LMLN: variants seen among roughly 807,000 people sequenced by gnomAD.
LMLN encodes the protein leishmanolysin-like peptidase.
Under a neutral mutation model 92.3 loss-of-function variants are expected in LMLN, and 70 were observed. That is an observed-to-expected ratio of 0.76 (90% CI 0.63 to 0.92). The LOEUF (loss-of-function observed/expected upper bound fraction) is 0.92, where lower values mean the gene tolerates loss of function less well. Among genes scored for constraint, LMLN ranks in the 40% least tolerant of loss-of-function variants. LMLN has a pLI of 0.00. For missense variants in LMLN, 691 were observed against 814.6 expected (o/e 0.85, Z 1.85); for synonymous variants, 308 against 296.2 (o/e 1.04, Z -0.41).
intron 8 of LMLN, among the ~76,000 whole-genome samples, chr3:197,989,929 C>T (rs538514073): frequency 5.9e-5 from 9 of 152,308 alleles, no homozygotes; most frequent in Non-Finnish European, 8.8e-5. Context: ...GGCTGGAGTG[C>T]GGCTGTGTGA....
chr3:198,021,360 AG>A (rs1247332100), intron 12 of LMLN, 85 bp from the exon 14 acceptor site: 20 of 1,137,382 alleles, frequency 1.8e-5, no homozygotes, highest in Non-Finnish European at 2.6e-5. Flanking sequence ...GTGGCATTAA[AG>A]GGTTGCGAGA....
chr3:197,993,772 A>G (rs1331982209), intron 9 of LMLN, among the ~76,000 whole-genome samples: 2 of 152,296 alleles, frequency 1.3e-5, no homozygotes, highest in East Asian at 1.9e-4. Flanking sequence ...CACCAAAAAA[A>G]AGAAAAAATA....
At chr3:198,038,944 G>A (rs1173524066) in exon 16 of LMLN, 36 of 178,960 alleles carry the variant, frequency 2.0e-4, no homozygotes, top group Admixed American at 1.6e-3. Flanking sequence ...CAACCACCTC[G>A]TCAGCAACCC....
intron 11 of LMLN, among the ~76,000 whole-genome samples, chr3:198,003,690 TATC>T (rs777233784): frequency 9.1e-6 from 1 of 109,586 alleles, no homozygotes; most frequent in Non-Finnish European, 1.7e-5. Context: ...TCTATCTATA[TATC>T]ATCTATACAG....
chr3:197,966,685 A>C (rs1249348766), intron 1 of LMLN, among the ~76,000 whole-genome samples: 1 of 151,910 alleles, frequency 6.6e-6, no homozygotes, highest in African/African-American at 2.4e-5. Context: ...TGAATGTCAA[A>C]TCAGCCTTGC....
In LMLN at chr3:197,961,966, C is replaced by T. The variant is rs570927541; in HGVS notation, c.219+1526C>T. Among the ~76,000 whole-genome samples, 14 of 152,272 alleles carry T rather than the reference C, an allele frequency of 9.2e-5. No homozygotes were observed. In the East Asian group the frequency reaches 2.5e-3, roughly 27 times the overall value. ...CCATTCTTGTTTCATATACTTTCAG[C>T]CATTCCGCAGCCCCCTACTTGAGTT... is the stretch of plus-strand genomic sequence containing the variant. On this transcript the variant is annotated intron_variant, in intron 1 of 15. Transcript: ENST00000330198.
In LMLN at chr3:197,996,977, C is replaced by T. The variant is rs564804837; in HGVS notation, c.1155+695C>T. 2.0e-5 allele frequency among the ~76,000 whole-genome samples: 3 copies of T among 151,660 alleles called. No homozygotes were observed. The South Asian group carries it at 6.2e-4, about 32-fold the overall frequency. On this transcript the variant is annotated intron_variant, in intron 10 of 15. Transcript: ENST00000330198. Reference sequence around the variant, plus strand: ...TAGTCTGTGTGTTCGTTCGTTTGTTCGTTCTTTTCTTTTGTTTTTTTTCTT... The same window carrying T: ...TAGTCTGTGTGTTCGTTCGTTTGTTTGTTCTTTTCTTTTGTTTTTTTTCTT...
chr3:197,977,545 T>G (rs940270889), intron 5 of LMLN, among the ~76,000 whole-genome samples: 1 of 150,396 alleles, frequency 6.6e-6, no homozygotes, highest in Non-Finnish European at 1.5e-5. Context: ...TGGATACATA[T>G]AAAAATCATC....
chr3:197,984,086 G>A (rs1218838845), intron 7 of LMLN, 38 bp downstream of exon 7: 6 of 1,290,000 alleles, frequency 4.7e-6, no homozygotes, highest in Non-Finnish European at 6.8e-6. Context: ...TTCATGCCTT[G>A]ATTTTCTGCT....
chr3:198,028,853 T>A (rs2109948811), intron 14 of LMLN, among the ~76,000 whole-genome samples: 1 of 152,368 alleles, frequency 6.6e-6, no homozygotes, highest in African/African-American at 2.4e-5. Context: ...CACAAATTTA[T>A]ATTTTTGTTT....
At chr3:197,968,136 A>G (rs1721111476) in intron 1 of LMLN, among the ~76,000 whole-genome samples, 1 of 152,208 alleles carries the variant, frequency 6.6e-6, no homozygotes, top group Admixed American at 6.5e-5. Context: ...TAGGAAGATA[A>G]CAAGATTAAG....
chr3:198,022,281 G>A (rs1037307281), intron 13 of LMLN, among the ~76,000 whole-genome samples: 5 of 152,180 alleles, frequency 3.3e-5, no homozygotes, highest in African/African-American at 1.2e-4. Flanking sequence ...GGAATAAACA[G>A]TATGGCAATT....
At chr3:197,976,694 T>C in exon 5 of LMLN, 1 of 1,550,880 alleles carries the variant, frequency 6.4e-7, no homozygotes, top group Non-Finnish European at 8.8e-7. Context: ...GCCCCGTTAT[T>C]GTTCCTGAGG....
Position 198,025,689 on chromosome 3 carries a change from T to G in LMLN, c.1656+901T>G, listed in dbSNP as rs1319602033. Among the ~76,000 whole-genome samples, 1 of 152,154 alleles carries G rather than the reference T, an allele frequency of 6.6e-6. No homozygotes were observed. Among genetic ancestry groups the G allele is most frequent in the Admixed American group, 6.6e-5 (1 of 15,246 alleles). On this transcript the variant is annotated intron_variant, in intron 14 of 15. Transcript: ENST00000330198. This position sits in a 1 kb window ranked among gnomAD's most constrained non-coding sequence, Gnocchi z 4.3. ...CTCGCCTACTATTTCCTTAATTATC[T>G]TATTTGCACATCTGATATTATATGA...
chr3:197,971,198 C>G (rs960798141), intron 1 of LMLN, among the ~76,000 whole-genome samples: 2 of 152,156 alleles, frequency 1.3e-5, no homozygotes, highest in African/African-American at 4.8e-5. Context: ...CTACCTGAGA[C>G]TGGGTAATTT....
At chr3:197,971,584 T>A (rs1721224788) in intron 1 of LMLN, among the ~76,000 whole-genome samples, 1 of 152,184 alleles carries the variant, frequency 6.6e-6, no homozygotes, top group Admixed American at 6.5e-5. Flanking sequence ...TGTACCTGGT[T>A]GTTGTTTGTT....
intron 1 of LMLN, 117 bp from the exon 2 acceptor site, chr3:197,974,260 C>T: frequency 4.8e-6 from 3 of 630,814 alleles, no homozygotes; most frequent in Non-Finnish European, 8.4e-6. Context: ...GAATATGGGT[C>T]ACAGAACTTT....
At position 198,019,264 on chromosome 3, in the gene LMLN, T is replaced by A. The variant is rs1722718933; in HGVS notation, c.1244T>A (p.Leu415Gln). ...CTCTTTGTTTGCAGGAGACAGATGC[T>A]GAGCCCTTACTGTGACACGCTCAGA... Residue 415 changes from leucine (L) to glutamine (Q), a missense_variant, in exon 12 of 16, where the codon CTG becomes CAG. Coordinates refer to ENST00000330198, the Ensembl canonical transcript of LMLN. The surrounding 1 kb of genome is among the most constrained non-coding windows in gnomAD (Gnocchi z 5.5). 6.2e-7 allele frequency: 1 copy of A among 1,613,116 alleles called. No homozygotes were observed. Among genetic ancestry groups the A allele is most frequent in the African/African-American group, 1.3e-5 (1 of 74,904 alleles).
rs1047519857 is a variant in LMLN, at chr3:198,025,475, G to A, written c.1656+687G>A. Among the ~76,000 whole-genome samples, 33 of 151,922 alleles carry A rather than the reference G, an allele frequency of 2.2e-4. No individual in the cohort carries two copies. The highest frequency in any genetic ancestry group is 7.5e-4 in the African/African-American group (31 of 41,354). On this transcript the variant is annotated intron_variant, in intron 14 of 15. Coordinates refer to ENST00000330198, the Ensembl canonical transcript of LMLN. This position sits in a 1 kb window ranked among gnomAD's most constrained non-coding sequence, Gnocchi z 4.3. The stretch of plus-strand genomic sequence containing the variant: ...TATCCTCTACCTCCTGGGTTCAAGC[G>A]ACCTTCCCACCTCAGCCTCCTGAGG...
Sources: gnomAD v4.1 joint callset for allele counts (sites outside exome capture counted in the v4.1 genomes callset) on GRCh38, gnomAD v4.1.1 for gene constraint, Gnocchi (gnomAD v3.1) non-coding constraint, MANE v1.5 for transcripts, NCBI Gene and HGNC (gene_info 2026-07-23, HGNC 2026-07-21) for gene names.